The following SPAG17 variants were observed in gnomAD, a reference collection of about 807,000 sequenced individuals.
SPAG17 encodes the protein sperm-associated antigen 17.
SPAG17 carries 169 observed loss-of-function variants against 273.6 expected under a neutral mutation model. That is an observed-to-expected ratio of 0.62 (90% CI 0.55 to 0.70). The LOEUF (loss-of-function observed/expected upper bound fraction) is 0.70. Among genes scored for constraint, SPAG17 ranks in the 30% least tolerant of loss-of-function variants. The pLI is 0.00. For synonymous variants in SPAG17, 825 were observed against 873.2 expected, an observed-to-expected ratio of 0.94 and a Z score of 0.97; for missense variants, 2,557 against 2,627.8, an observed-to-expected ratio of 0.97 and a Z score of 0.59.
intron 4 of SPAG17, among the ~76,000 whole-genome samples, chr1:118,111,015 T>G (rs1656723788): frequency 6.6e-6 from 1 of 152,128 alleles, no homozygotes; most frequent in Non-Finnish European, 1.5e-5. Context: ...ACTCTGTACC[T>G]CATAAAGTCA....
intron 40 of SPAG17, among the ~76,000 whole-genome samples, chr1:117,985,821 T>C (rs1020484274): frequency 3.9e-5 from 6 of 152,166 alleles, no homozygotes; most frequent in Non-Finnish European, 8.8e-5. Flanking sequence ...AACCAAAGCA[T>C]AGAGAGGTTA....
chr1:118,070,279 C>A (rs558765967), intron 17 of SPAG17, among the ~76,000 whole-genome samples: 2 of 152,202 alleles, frequency 1.3e-5, no homozygotes, highest in South Asian at 4.1e-4. Context: ...CCACAGGCAA[C>A]CCCATTTGTG....
rs866963285 is a variant in SPAG17, at chr1:118,086,974, C to T, written c.1394G>A (p.Ser465Asn). 1 of 1,578,466 alleles carries T rather than the reference C, an allele frequency of 6.3e-7. No individual in the cohort carries two copies. Among genetic ancestry groups the T allele is most frequent in the Non-Finnish European group, 8.6e-7 (1 of 1,166,620 alleles). The stretch of plus-strand genomic sequence containing the variant: ...TGCTCTGGGGGATGGCTCCCGCAGA[C>T]TGGGTGGGACGAGATCTTCTTCAGT... Reference protein sequence around the residue: ...VATEEDLVPPSLREPSPRADG... With the variant: ...VATEEDLVPPNLREPSPRADG... The change falls in exon 11 of 49, where the codon AGT (serine) becomes AAT (asparagine). Residue 465 changes from serine to asparagine, a missense_variant. Physicochemically the swap from Ser to Asn is conservative, Grantham distance 46 (BLOSUM62 1). Coordinates refer to ENST00000336338, the MANE Select transcript of SPAG17 (RefSeq NM_206996.4).
chr1:117,967,296 C>CAAAA (rs5777330), intron 46 of SPAG17, among the ~76,000 whole-genome samples: 1 of 86,062 alleles, frequency 1.2e-5, no homozygotes, highest in African/African-American at 5.0e-5. Flanking sequence ...AACTCCATCT[C>CAAAA]AAAAAAAAAA....
At chr1:118,046,804 T>C (rs943928472) in intron 20 of SPAG17, among the ~76,000 whole-genome samples, 4 of 152,156 alleles carry the variant, frequency 2.6e-5, no homozygotes, top group Non-Finnish European at 5.9e-5. Context: ...ATTTCACTTA[T>C]TTAGAGTGAA....
intron 7 of SPAG17, 72 bp from the exon 8 acceptor site, chr1:118,093,389 C>CTGAT: frequency 7.0e-7 from 1 of 1,425,444 alleles, no homozygotes; most frequent in Non-Finnish European, 9.5e-7. Flanking sequence ...TGGTATATAT[C>CTGAT]TCTTAACAGT....
chr1:118,099,010 T>C (rs1467390096), intron 6 of SPAG17, among the ~76,000 whole-genome samples: 1 of 152,312 alleles, frequency 6.6e-6, no homozygotes, highest in East Asian at 1.9e-4. Context: ...TAGTTCTATT[T>C]CCTAAAGTAT....
chr1:117,984,286 A>G (rs1656167371), intron 41 of SPAG17, among the ~76,000 whole-genome samples: 3 of 152,188 alleles, frequency 2.0e-5, no homozygotes, highest in Admixed American at 2.0e-4. Flanking sequence ...AGAACTCACA[A>G]TCTCTTAGTG....
chr1:118,057,235 T>C (rs1571364339), intron 18 of SPAG17, among the ~76,000 whole-genome samples: 1 of 152,192 alleles, frequency 6.6e-6, no homozygotes, highest in Admixed American at 6.5e-5. Context: ...ATTTATAATA[T>C]ATTCAAAATC....
intron 32 of SPAG17, among the ~76,000 whole-genome samples, chr1:118,001,657 C>T (rs991587374): frequency 2.6e-5 from 4 of 151,730 alleles, no homozygotes; most frequent in East Asian, 3.9e-4. Flanking sequence ...CTGTGGTATC[C>T]GTGGTCATAT....
At chr1:118,157,240 A>G (rs1347689377) in intron 1 of SPAG17, among the ~76,000 whole-genome samples, 2 of 152,164 alleles carry the variant, frequency 1.3e-5, no homozygotes, top group Non-Finnish European at 2.9e-5. Flanking sequence ...TTTCATTGGG[A>G]AGACCAAAGC....
intron 3 of SPAG17, among the ~76,000 whole-genome samples, chr1:118,144,157 C>T (rs1032764199): frequency 5.9e-5 from 9 of 152,206 alleles, no homozygotes; most frequent in African/African-American, 2.2e-4. Context: ...GAAAATAGAA[C>T]TCCAGGTTTC....
intron 17 of SPAG17, among the ~76,000 whole-genome samples, chr1:118,073,089 A>T (rs1333774660): frequency 6.6e-6 from 1 of 152,164 alleles, no homozygotes; most frequent in Non-Finnish European, 1.5e-5. Context: ...AAAACGTTGT[A>T]AAACTTTGAT....
intron 20 of SPAG17, among the ~76,000 whole-genome samples, chr1:118,043,204 G>C (rs886276159): frequency 6.6e-6 from 1 of 152,138 alleles, no homozygotes; most frequent in Admixed American, 6.5e-5. Context: ...CCTGAAAATG[G>C]AATTGAATTT....
chr1:118,120,245 C>T (rs945700725), intron 3 of SPAG17, among the ~76,000 whole-genome samples: 2 of 151,374 alleles, frequency 1.3e-5, no homozygotes, highest in Admixed American at 6.6e-5. Context: ...CACTAAACCA[C>T]ATGTGACTAT....
At position 117,987,819 on chromosome 1, in the gene SPAG17, T is replaced by C; in HGVS notation, c.5669+15A>G. On this transcript the variant is annotated intron_variant, in intron 40 of 48. Transcript: ENST00000336338. ...GCCCTTTCAGGTCCTTATGTGCGTT[T>C]TGGGGTATAATTACCTCGTTTTGTC... 1 of 1,613,740 alleles carries C rather than the reference T, an allele frequency of 6.2e-7. No individual in the cohort carries two copies. The highest frequency in any genetic ancestry group is 8.5e-7 in the Non-Finnish European group (1 of 1,179,740).
intron 10 of SPAG17, among the ~76,000 whole-genome samples, chr1:118,090,230 A>G (rs1210122735): frequency 6.6e-6 from 1 of 152,216 alleles, no homozygotes; most frequent in Non-Finnish European, 1.5e-5. Flanking sequence ...TGCTACTAGT[A>G]TGAATCACAA....
At chr1:118,069,324 G>A (rs568399222) in intron 17 of SPAG17, among the ~76,000 whole-genome samples, 1 of 105,260 alleles carries the variant, frequency 9.5e-6, no homozygotes. Context: ...CAGCCTAAGC[G>A]ACAGAGTGAG....
At chr1:118,065,484 A>C (rs1652855419) in intron 18 of SPAG17, among the ~76,000 whole-genome samples, 1 of 152,172 alleles carries the variant, frequency 6.6e-6, no homozygotes, top group Non-Finnish European at 1.5e-5. Context: ...CAATACTAAA[A>C]CCAAATAGGA....
Sources: allele counts gnomAD v4.1 joint callset (sites outside exome capture counted in the v4.1 genomes callset), GRCh38; gene constraint gnomAD v4.1.1; transcripts MANE v1.5; gene names NCBI Gene and HGNC (gene_info 2026-07-23, HGNC 2026-07-21).